The following RBM12 variants were observed in gnomAD, a reference collection of about 807,000 sequenced individuals.
The protein encoded by RBM12 is RNA-binding protein 12.
Under a neutral mutation model 37.2 loss-of-function variants are expected in RBM12, and 24 were observed. The ratio of observed to expected loss-of-function variants is 0.65; its 90% CI spans 0.47 to 0.91. RBM12 has a LOEUF of 0.91. RBM12 is among the 40% of genes least tolerant of loss of function. The pLI is 0.00. For synonymous variants in RBM12, 420 were observed against 425.2 expected (o/e 0.99, Z 0.15); for missense variants, 1,061 against 1,183.2 (o/e 0.90, Z 1.52).
chr20:35,654,928 C>G lies in RBM12; in HGVS notation c.395G>C (p.Ser132Thr), dbSNP rs567896893. ...AACAGAAGTGGTGGCAGTAACTACA[C>G]TGGGTGATGGATTATTAAAGTTGGA... ...TVSNFNNPSP[S>T]VVTATTSVHE... Residue 132 changes from serine (S) to threonine (T), a missense_variant, in exon 3 of 3, where the codon AGT becomes ACT. By Grantham distance (58) the Ser-to-Thr change is moderately conservative. This residue lies in a region of RBM12 where 540 missense variants were observed against 632.7 expected (regional missense o/e 0.85). Transcript: ENST00000374114. 2.5e-6 allele frequency: 4 copies of G among 1,614,128 alleles called. No homozygotes were observed. The highest frequency in any genetic ancestry group is 1.3e-5 in the African/African-American group (1 of 75,018).
intron 1 of RBM12, among the ~76,000 whole-genome samples, chr20:35,660,515 G>GGCCTA (rs1378245603): frequency 1.3e-5 from 2 of 152,058 alleles, no homozygotes; most frequent in Non-Finnish European, 2.9e-5. Flanking sequence ...CACCACGCCT[G>GGCCTA]GCCTAGCCTA....
rs1330161927 is a variant in RBM12 at position 35,654,605 on chromosome 20, G to T, written c.718C>A (p.Pro240Thr). The T allele has an allele frequency of 6.8e-6, 11 of 1,614,094 alleles. No individual in the cohort carries two copies. Among genetic ancestry groups the T allele is most frequent in the Non-Finnish European group, 9.3e-6 (11 of 1,180,040 alleles). Residue 240 changes from proline to threonine, a missense_variant, in exon 3 of 3, where the codon CCC becomes ACC. By Grantham distance (38) the Pro-to-Thr change is conservative (BLOSUM62 -1). Coordinates refer to ENST00000374114, the MANE Select transcript of RBM12 (RefSeq NM_006047.6). ...PSVPPMTPLP[P>T]MSGMPPLNPP... ...TTCAAGGGCGGCATGCCCGACATGG[G>T]TGGCAGTGGGGTCATGGGTGGCACA... is the stretch of plus-strand genomic sequence containing the variant.
Position 35,650,336 on chromosome 20 carries a change from G to T in RBM12, c.*2188C>A, listed in dbSNP as rs1054717189. On this transcript the variant is annotated 3_prime_UTR_variant, in exon 3 of 3. Coordinates refer to ENST00000374114, the MANE Select transcript of RBM12 (RefSeq NM_006047.6). ...ACAAAGTAGTTGCAATAAAGTGTAT[G>T]AAATATTTAATAAGAATGTACGAAC... 1.3e-5 allele frequency: 2 copies of T among 152,212 alleles called. No homozygotes were observed. The highest frequency in any genetic ancestry group is 4.8e-5 in the African/African-American group (2 of 41,428). 9.4% of individuals were successfully genotyped at this position (152,212 alleles called of 1,614,324 possible).
intron 2 of RBM12, among the ~76,000 whole-genome samples, chr20:35,658,539 T>C (rs1047191256): frequency 8.3e-4 from 127 of 152,100 alleles, no homozygotes; most frequent in African/African-American, 2.9e-3. Context: ...GGCAGGTGGA[T>C]CACAAGGTCA....
Position 35,653,872 on chromosome 20 carries a change from T to A in RBM12, c.1451A>T (p.Tyr484Phe), listed in dbSNP as rs139959407. Reference protein sequence around the residue: ...GFVEFRNEADYKAALCRHKQY... With the variant: ...GFVEFRNEADFKAALCRHKQY... ...TTTATGACGACACAGAGCAGCCTTA[T>A]AGTCAGCCTCATTTCTGAACTCTAC... Residue 484 changes from tyrosine to phenylalanine, a missense_variant, in exon 3 of 3, where the codon TAT becomes TTT. Physicochemically the swap from Tyr to Phe is conservative, Grantham distance 22. This residue lies in a region of RBM12 where 540 missense variants were observed against 632.7 expected (regional missense o/e 0.85). Coordinates refer to ENST00000374114, the MANE Select transcript of RBM12 (RefSeq NM_006047.6). 1 of 1,614,016 alleles carries A rather than the reference T, an allele frequency of 6.2e-7. No individual in the cohort carries two copies. The highest frequency in any genetic ancestry group is 1.3e-5 in the African/African-American group (1 of 74,942).
chr20:35,659,149 AAAAAAAG>A, intron 1 of RBM12, 135 bp from the exon 2 acceptor site: 2 of 456,166 alleles, frequency 4.4e-6, no homozygotes, highest in Non-Finnish European at 7.9e-6. Flanking sequence ...AAAAAAAAAA[AAAAAAAG>A]AAAGACACCG....
intron 1 of RBM12, among the ~76,000 whole-genome samples, chr20:35,660,394 T>C (rs956356424): frequency 1.3e-4 from 20 of 152,126 alleles, no homozygotes; most frequent in South Asian, 4.1e-4. Context: ...TTTTTGTATT[T>C]TTAGTAGAGA....
rs1197726161 is a variant in RBM12, at chr20:35,653,895, T to C, written c.1428A>G (p.Val476=). 1.9e-6 allele frequency: 3 copies of C among 1,614,196 alleles called. No homozygotes were observed. The highest frequency in any genetic ancestry group is 2.5e-6 in the Non-Finnish European group (3 of 1,180,038). Residue 476 remains valine (V), a synonymous_variant, in exon 3 of 3, where the codon GTA becomes GTG. Transcript: ENST00000374114. The part of the protein sequence containing the change: ...PNGKATGEGF[V]EFRNEADYKA... The stretch of plus-strand genomic sequence containing the variant: ...TATAGTCAGCCTCATTTCTGAACTC[T>C]ACAAAGCCTTCGCCAGTTGCTTTCC...
intron 2 of RBM12, 138 bp from the exon 3 acceptor site, chr20:35,655,482 T>C (rs2033841038): frequency 1.3e-6 from 1 of 747,456 alleles, no homozygotes. Context: ...TTAATTTAGA[T>C]ATTCTAAAAA....
chr20:35,654,122 T>C lies in RBM12; in HGVS notation c.1201A>G (p.Thr401Ala). ...FKQNMGPSGQ[T>A]HPPPQTLPRS... ...GGAAGTGTCTGAGGAGGGGGATGAG[T>C]TTGTCCAGAAGGTCCCATATTTTGC... Residue 401 changes from threonine to alanine, a missense_variant, in exon 3 of 3, where the codon ACT becomes GCT. Physicochemically the swap from Thr to Ala is moderately conservative, Grantham distance 58. This residue lies in a region of RBM12 where 540 missense variants were observed against 632.7 expected (regional missense o/e 0.85). Coordinates refer to ENST00000374114, the MANE Select transcript of RBM12 (RefSeq NM_006047.6). The C allele has an allele frequency of 6.2e-7, 1 of 1,614,192 alleles. No homozygotes were observed. The highest frequency in any genetic ancestry group is 8.5e-7 in the Non-Finnish European group (1 of 1,180,042).
At position 35,651,694 on chromosome 20, in the gene RBM12, A is replaced by C. The variant is rs773872869; in HGVS notation, c.*830T>G. ...TATTAAAAGTGGTTTCTGGTTTTCG[A>C]TACCATCCAAACAACATGAACAATT... On this transcript the variant is annotated 3_prime_UTR_variant, in exon 3 of 3. Transcript: ENST00000374114. 10 of 152,626 alleles carry C rather than the reference A, an allele frequency of 6.6e-5. No individual in the cohort carries two copies. The highest frequency in any genetic ancestry group is 1.2e-4 in the Non-Finnish European group (8 of 68,044). 9.5% of individuals were successfully genotyped at this position (152,626 alleles called of 1,614,324 possible). A position where few individuals can be genotyped will look rare whatever the true frequency, so the allele number is the denominator to read the frequency against.
Position 35,653,169 on chromosome 20 carries a change from C to G in RBM12, c.2154G>C (p.Gly718=). 6.2e-7 allele frequency: 1 copy of G among 1,613,530 alleles called. No homozygotes were observed. Among genetic ancestry groups the G allele is most frequent in the East Asian group, 2.2e-5 (1 of 44,890 alleles). ...AATTACCAGGAAAGTTAAATGGAGG[C>G]CCATTATTGGCTTCCTTTGATCCTA... ...LTVGSKEANN[G]PPFNFPGNFG... Residue 718 remains glycine (G), a synonymous_variant, in exon 3 of 3, where the codon GGG becomes GGC. Coordinates refer to ENST00000374114, the MANE Select transcript of RBM12 (RefSeq NM_006047.6).
intron 2 of RBM12, among the ~76,000 whole-genome samples, chr20:35,658,596 T>A (rs1373795080): frequency 6.6e-6 from 1 of 151,868 alleles, no homozygotes; most frequent in Admixed American, 6.6e-5. Flanking sequence ...CCATCTCTAC[T>A]AAAAATACAA....
intron 1 of RBM12, 132 bp from the exon 2 acceptor site, chr20:35,659,146 A>T: frequency 2.2e-6 from 1 of 455,298 alleles, no homozygotes. Context: ...ATCAAAAAAA[A>T]AAAAAAAAAG....
At chr20:35,660,393 T>G (rs2034167431) in intron 1 of RBM12, among the ~76,000 whole-genome samples, 1 of 152,152 alleles carries the variant, frequency 6.6e-6, no homozygotes, top group Non-Finnish European at 1.5e-5. Flanking sequence ...ATTTTTGTAT[T>G]TTTAGTAGAG....
chr20:35,649,356 T>G lies in RBM12; in HGVS notation c.*3168A>C, dbSNP rs1374841258. 1.3e-5 allele frequency: 2 copies of G among 152,232 alleles called. No individual in the cohort carries two copies. Among genetic ancestry groups the G allele is most frequent in the African/African-American group, 4.8e-5 (2 of 41,462 alleles). The allele number at this position is 152,232 out of a possible 1,614,324, so 9.4% of individuals were successfully genotyped here. A position where few individuals can be genotyped will look rare whatever the true frequency, so the allele number is the denominator to read the frequency against. On this transcript the variant is annotated 3_prime_UTR_variant, in exon 3 of 3. Transcript: ENST00000374114. ...TTTAAGGCTTTCACGCATCCTTGTT[T>G]TTATGCAAGGCTGACTATTTCCACC...
At chr20:35,658,802 A>ACACAC (rs2034058571) in intron 2 of RBM12, 128 bp downstream of exon 2, 39 of 473,574 alleles carry the variant, frequency 8.2e-5, no homozygotes, top group African/African-American at 5.7e-4. Flanking sequence ...AGCAAACAAA[A>ACACAC]ACACACACAC....
At chr20:35,655,383 G>A in intron 2 of RBM12, 39 bp from the exon 3 acceptor site, 4 of 1,489,356 alleles carry the variant, frequency 2.7e-6, no homozygotes, top group Non-Finnish European at 3.6e-6. Context: ...TCAGACTCCT[G>A]TTTATCACAC....
In RBM12 at chr20:35,652,857, T is replaced by G. The variant is rs774042948; in HGVS notation, c.2466A>C (p.Pro822=). ...LGSAPGHLGG[P]PAFGPGPGPG... ...GGCCGGGGCCAGGCCCAAAAGCTGG[T>G]GGCCCACCCAAATGCCCAGGGGCAC... The change falls in exon 3 of 3, where the codon CCA becomes CCC. Residue 822 remains proline (P), a synonymous_variant. Coordinates refer to ENST00000374114, the MANE Select transcript of RBM12 (RefSeq NM_006047.6). 1 of 1,610,938 alleles carries G rather than the reference T, an allele frequency of 6.2e-7. No individual in the cohort carries two copies.
Sources: allele counts gnomAD v4.1 joint callset (sites outside exome capture counted in the v4.1 genomes callset), GRCh38; gene constraint gnomAD v4.1.1; regional missense constraint gnomAD v4.1.1; transcripts MANE v1.5; gene names NCBI Gene and HGNC (gene_info 2026-07-23, HGNC 2026-07-21).